Variants in BCLAF3 observed in about 807,000 individuals in gnomAD.
BCLAF3 encodes the protein transient octamer binding factor 1.
A neutral mutation model predicts 51.2 loss-of-function variants in BCLAF3; 24 were observed. The ratio of observed to expected loss-of-function variants is 0.47; its 90% CI spans 0.34 to 0.66. BCLAF3 has a LOEUF of 0.66. Ranked by LOEUF, BCLAF3 falls within the 30% of genes least tolerant of loss-of-function variation. The pLI is 0.01. For synonymous variants in BCLAF3, 152 were observed against 176.6 expected, an observed-to-expected ratio of 0.86 and a Z score of 1.10; for missense variants, 465 against 525.1, an observed-to-expected ratio of 0.89 and a Z score of 1.12.
At chrX:19,920,509 G>A (rs2070111129) in intron 11 of BCLAF3, among the ~76,000 whole-genome samples, 2 of 111,137 alleles carry the variant, frequency 1.8e-5, no homozygotes, top group Admixed American at 9.6e-5. Flanking sequence ...CTATATGAAA[G>A]GTAATAAGGT....
chrX:19,937,368 T>C (rs772627504), intron 9 of BCLAF3, 50 bp downstream of exon 9: 25 of 612,579 alleles, frequency 4.1e-5, no homozygotes, highest in Middle Eastern at 3.0e-4. Context: ...TTTTGATGTA[T>C]TGGAGAAGAA....
intron 1 of BCLAF3, among the ~76,000 whole-genome samples, chrX:19,982,474 AAGG>A (rs2072642420): frequency 9.1e-6 from 1 of 109,582 alleles, no homozygotes; most frequent in Non-Finnish European, 1.9e-5. Context: ...GTTCTTCAGT[AAGG>A]AGGAGCACGA....
rs1404409568 is a variant in BCLAF3, at chrX:19,965,732, C to T, written c.612-26G>A. The T allele has an allele frequency of 3.6e-6, 4 of 1,104,461 alleles. No individual in the cohort carries two copies. In the African/African-American group the frequency reaches 5.6e-5, roughly 15 times the overall value. The allele number at this position is 1,104,461 out of a possible 1,213,427, so 91.0% of individuals were successfully genotyped here. A position where few individuals can be genotyped will look rare whatever the true frequency, so the allele number is the denominator to read the frequency against. On this transcript the variant is annotated intron_variant, in intron 3 of 11. Coordinates refer to ENST00000379682, the MANE Select transcript of BCLAF3 (RefSeq NM_001367774.2). ...CTGTGTTGACATAAAGCAGTTTACA[C>T]TTGCAATAGAGAGAAGAAAGGGAGA... is the stretch of plus-strand genomic sequence containing the variant.
At chrX:19,956,952 TA>T (rs2071688005) in intron 4 of BCLAF3, among the ~76,000 whole-genome samples, 1 of 112,126 alleles carries the variant, frequency 8.9e-6, no homozygotes, top group Non-Finnish European at 1.9e-5. Context: ...AACAGCCATA[TA>T]TCCAAACTGC....
At chrX:19,985,478 C>G (rs1032956521) in intron 1 of BCLAF3, among the ~76,000 whole-genome samples, 1 of 110,060 alleles carries the variant, frequency 9.1e-6, no homozygotes, top group African/African-American at 3.3e-5. Flanking sequence ...CCTAGCTTCT[C>G]GGGAGGTTGA....
At chrX:19,958,060 A>G (rs1473774199) in intron 4 of BCLAF3, among the ~76,000 whole-genome samples, 1 of 112,002 alleles carries the variant, frequency 8.9e-6, no homozygotes, top group Non-Finnish European at 1.9e-5. Flanking sequence ...TGCATTTTAG[A>G]CAATTTAAAA....
intron 8 of BCLAF3, among the ~76,000 whole-genome samples, chrX:19,948,463 T>C (rs958842078): frequency 9.8e-5 from 11 of 111,783 alleles, no homozygotes; most frequent in Non-Finnish European, 1.1e-4. Flanking sequence ...TATTATATTA[T>C]TGAATTTATA....
intron 1 of BCLAF3, among the ~76,000 whole-genome samples, chrX:19,989,262 G>A (rs758474749): frequency 2.1e-4 from 23 of 111,610 alleles, no homozygotes; most frequent in East Asian, 1.4e-3. Flanking sequence ...TTGCGAGGCC[G>A]AGGCGGGCAG....
At chrX:19,964,190 C>G (rs2071964559) in intron 4 of BCLAF3, among the ~76,000 whole-genome samples, 1 of 111,494 alleles carries the variant, frequency 9.0e-6, no homozygotes, top group South Asian at 3.8e-4. Context: ...TGGCCCCCCC[C>G]TTTTTCATTC....
At chrX:19,953,972 G>A (rs2071578652) in intron 5 of BCLAF3, 80 bp from the exon 6 acceptor site, 4 of 1,079,110 alleles carry the variant, frequency 3.7e-6, no homozygotes, top group Non-Finnish European at 4.8e-6. Flanking sequence ...CAGAAAGAAG[G>A]GATTATTTTT....
At chrX:19,927,928 T>C (rs1475174726) in intron 11 of BCLAF3, among the ~76,000 whole-genome samples, 2 of 108,028 alleles carry the variant, frequency 1.9e-5, no homozygotes, top group Non-Finnish European at 3.8e-5. Context: ...CAGGCTGGAG[T>C]GCAGTTGCAT....
At chrX:19,987,862 G>A (rs371543333) in intron 1 of BCLAF3, among the ~76,000 whole-genome samples, 1 of 111,768 alleles carries the variant, frequency 8.9e-6, no homozygotes, top group East Asian at 2.8e-4. Context: ...TCCATTTCAC[G>A]AGTGAATAAA....
intron 1 of BCLAF3, among the ~76,000 whole-genome samples, chrX:19,973,590 T>C (rs1467615957): frequency 9.0e-6 from 1 of 111,464 alleles, no homozygotes; most frequent in Non-Finnish European, 1.9e-5. Context: ...AGCACATGGA[T>C]GGCCTTCCCT....
chrX:19,968,764 C>T (rs1270254734), intron 2 of BCLAF3, among the ~76,000 whole-genome samples: 1 of 112,996 alleles, frequency 8.8e-6, no homozygotes, highest in Admixed American at 9.3e-5. Context: ...AACTCAGGCA[C>T]TAAGCTTGGC....
chrX:19,945,881 C>T (rs1237647682), intron 8 of BCLAF3, among the ~76,000 whole-genome samples: 12 of 104,411 alleles, frequency 1.1e-4, no homozygotes, highest in African/African-American at 3.7e-4. Context: ...GCCTCGCTGC[C>T]GCCTTGCAGT....
At chrX:19,973,254 T>C (rs1484580541) in intron 1 of BCLAF3, among the ~76,000 whole-genome samples, 2 of 111,978 alleles carry the variant, frequency 1.8e-5, no homozygotes, top group Non-Finnish European at 3.8e-5. Context: ...ACATGTTTCT[T>C]ACAAGAAACT....
intron 1 of BCLAF3, among the ~76,000 whole-genome samples, chrX:19,985,552 C>T (rs192421254): frequency 9.1e-6 from 1 of 110,042 alleles, no homozygotes; most frequent in East Asian, 2.8e-4. Context: ...ACCACTGCAC[C>T]CCAGCCTGGG....
intron 1 of BCLAF3, among the ~76,000 whole-genome samples, chrX:19,982,585 GCACA>G (rs1229698876): frequency 6.3e-5 from 5 of 79,318 alleles, no homozygotes; most frequent in African/African-American, 1.2e-4. Context: ...ACACACACAC[GCACA>G]CACACACACA....
Position 19,913,129 on chromosome X carries a change from A to G in BCLAF3, c.*4176T>C, listed in dbSNP as rs1344738902. The G allele has an allele frequency of 8.9e-6, 1 of 111,975 alleles. No homozygotes were observed. The highest frequency in any genetic ancestry group is 1.9e-5 in the Non-Finnish European group (1 of 53,169). 9.2% of individuals were successfully genotyped at this position (111,975 alleles called of 1,213,427 possible). A position where few individuals can be genotyped will look rare whatever the true frequency, so the allele number is the denominator to read the frequency against. On this transcript the variant is annotated 3_prime_UTR_variant, in exon 12 of 12. Coordinates refer to ENST00000379682, the MANE Select transcript of BCLAF3 (RefSeq NM_001367774.2). The stretch of plus-strand genomic sequence containing the variant: ...CGCTCTGTCGCCCAGGCTGGAGTGC[A>G]ATGGCGTGGCCTCGGTTCACTGCAA...
Sources: gnomAD v4.1 joint callset for allele counts (sites outside exome capture counted in the v4.1 genomes callset) on GRCh38, gnomAD v4.1.1 for gene constraint, MANE v1.5 for transcripts, NCBI Gene and HGNC (gene_info 2026-07-23, HGNC 2026-07-21) for gene names.